Variants in MROH1 observed in about 807,000 individuals in gnomAD.
The protein encoded by MROH1 is maestro heat like repeat family member 1, also known as maestro heat-like repeat-containing protein family member 1.
A neutral mutation model predicts 116.5 loss-of-function variants in MROH1; 117 were observed. The ratio of observed to expected loss-of-function variants is 1.00; its 90% confidence interval spans 0.86 to 1.17. MROH1 has a LOEUF of 1.17. Among genes scored for constraint, MROH1 ranks in the 50% most tolerant of loss-of-function variants. The pLI, the probability that MROH1 is intolerant of heterozygous loss-of-function variation, is 0.00. For missense variants in MROH1, 1,873 were observed against 1,338.5 expected, an observed-to-expected ratio of 1.40 and a Z score of -6.23; for synonymous variants, 921 against 583.9, an observed-to-expected ratio of 1.58 and a Z score of -8.32.
chr8:144,175,163 T>C (rs563754605), intron 4 of MROH1: 2 of 984,624 alleles, frequency 2.0e-6, no homozygotes, highest in African/African-American at 3.5e-5. Context: ...CTGCTGCACC[T>C]GAGCTTCTCC....
chr8:144,192,208 C>A, intron 9 of MROH1, 101 bp from the exon 10 acceptor site: 1 of 1,005,962 alleles, frequency 9.9e-7, no homozygotes, highest in South Asian at 1.6e-5. Flanking sequence ...GTCCTCCTGG[C>A]CCATGTCTTC....
intron 12 of MROH1, among the ~76,000 whole-genome samples, chr8:144,209,059 GTGTGTGTGTGTGTGTT>G: frequency 1.1e-5 from 1 of 90,236 alleles, no homozygotes; most frequent in Admixed American, 1.1e-4. Flanking sequence ...GTGTGTGTGT[GTGTGTGTGTGTGTGTT>G]TAGTGGAGAC....
intron 10 of MROH1, 98 bp from the exon 11 acceptor site, chr8:144,199,024 G>A (rs949570922): frequency 2.0e-5 from 23 of 1,153,712 alleles, no homozygotes; most frequent in Admixed American, 8.0e-5. Context: ...GAAACCCAGA[G>A]CCTTCTGCCC....
intron 4 of MROH1, among the ~76,000 whole-genome samples, chr8:144,171,586 T>C (rs1164001354): frequency 6.6e-6 from 1 of 152,230 alleles, no homozygotes; most frequent in Non-Finnish European, 1.5e-5. Flanking sequence ...GTGTGCTTGC[T>C]GGAGCCCATT....
At chr8:144,218,874 G>A (rs1483643296) in intron 12 of MROH1, among the ~76,000 whole-genome samples, 10 of 72,612 alleles carry the variant, frequency 1.4e-4, no homozygotes, top group Admixed American at 3.4e-4. Flanking sequence ...TTGCTCTGTC[G>A]CTCAGGCTAG....
chr8:144,200,056 G>A (rs1830762047), intron 11 of MROH1, among the ~76,000 whole-genome samples: 1 of 152,176 alleles, frequency 6.6e-6, no homozygotes, highest in Non-Finnish European at 1.5e-5. Context: ...CTGTGTGCTT[G>A]ACAGCTCGAG....
intron 4 of MROH1, among the ~76,000 whole-genome samples, chr8:144,170,033 A>T (rs993151816): frequency 2.0e-5 from 3 of 152,158 alleles, no homozygotes; most frequent in African/African-American, 7.2e-5. Flanking sequence ...GGGTTTCACC[A>T]TGTTGCCCAT....
chr8:144,260,507 C>T, intron 39 of MROH1, 133 bp downstream of exon 39: 2 of 712,156 alleles, frequency 2.8e-6, no homozygotes, highest in Non-Finnish European at 5.1e-6. Flanking sequence ...CGCGGACCTG[C>T]AGGGCTGCTG....
At chr8:144,188,081 C>A (rs1200395529) in intron 7 of MROH1, among the ~76,000 whole-genome samples, 1 of 152,172 alleles carries the variant, frequency 6.6e-6, no homozygotes, top group Non-Finnish European at 1.5e-5. Context: ...CACCTGCACC[C>A]TTTGATTCTT....
intron 3 of MROH1, among the ~76,000 whole-genome samples, chr8:144,165,095 A>T (rs1483147868): frequency 6.6e-6 from 1 of 150,404 alleles, no homozygotes; most frequent in African/African-American, 2.4e-5. Context: ...AGTAGCTGAG[A>T]TTACAGGCAT....
rs963080678 is a variant in MROH1, at chr8:144,259,815, C to T, written c.4045-96C>T. On this transcript the variant is annotated intron_variant, in intron 37 of 43. Coordinates refer to ENST00000326134, the MANE Select transcript of MROH1 (RefSeq NM_032450.3). ...GGTGCTCCACCTCTGTCTGCCACACCGGCGTGGGGACAGCCTCTGGTGTTC... is the reference window on the plus strand; with the variant it reads ...GGTGCTCCACCTCTGTCTGCCACACTGGCGTGGGGACAGCCTCTGGTGTTC... 719 of 704,620 alleles carry T rather than the reference C, an allele frequency of 1.0e-3. 5 individuals carry two copies. The highest frequency in any genetic ancestry group is 8.7e-4 in the Non-Finnish European group (332 of 383,498). The allele number at this position is 704,620 out of a possible 1,614,324, so 43.6% of individuals were successfully genotyped here. A position where few individuals can be genotyped will look rare whatever the true frequency, so the allele number is the denominator to read the frequency against.
At chr8:144,169,933 A>G (rs1217789652) in intron 4 of MROH1, among the ~76,000 whole-genome samples, 1 of 152,262 alleles carries the variant, frequency 6.6e-6, no homozygotes, top group Non-Finnish European at 1.5e-5. Context: ...TCCTGAGTTC[A>G]AGCAATTCTC....
chr8:144,194,682 G>A (rs1829411029), intron 10 of MROH1, among the ~76,000 whole-genome samples: 1 of 152,168 alleles, frequency 6.6e-6, no homozygotes, highest in Admixed American at 6.5e-5. Flanking sequence ...GGAGGCTGAG[G>A]AGGAAGAACT....
chr8:144,155,604 T>C (rs961214281), intron 1 of MROH1, among the ~76,000 whole-genome samples: 9 of 151,926 alleles, frequency 5.9e-5, no homozygotes, highest in African/African-American at 2.2e-4. Flanking sequence ...ACCAACTGTA[T>C]GATGTTAATT....
Position 144,192,420 on chromosome 8 carries a change from G to C in MROH1, c.948+19G>C. The C allele has an allele frequency of 6.4e-7, 1 of 1,564,536 alleles. No homozygotes were observed. The highest frequency in any genetic ancestry group is 8.6e-7 in the Non-Finnish European group (1 of 1,159,898). ...CTCCCAGGTAGGAGGCGGGCGTCAG[G>C]GGGCGGGTCCAGGTTCTGCACACCC... is the stretch of plus-strand genomic sequence containing the variant. On this transcript the variant is annotated intron_variant, in intron 10 of 43. Coordinates refer to ENST00000326134, the MANE Select transcript of MROH1 (RefSeq NM_032450.3).
At chr8:144,237,824 C>T (rs996865738) in intron 14 of MROH1, among the ~76,000 whole-genome samples, 10 of 151,806 alleles carry the variant, frequency 6.6e-5, no homozygotes, top group Non-Finnish European at 1.2e-4. Context: ...TGCATTTTTT[C>T]GCACAGGCAT....
At chr8:144,207,946 CT>C (rs1335877700) in intron 12 of MROH1, among the ~76,000 whole-genome samples, 1,712 of 135,006 alleles carry the variant, frequency 0.013, 51 homozygotes, top group Non-Finnish European at 0.014. Context: ...TTTTTAATTA[CT>C]TTTTTTTTTT....
At chr8:144,154,461 C>T (rs1029031299) in intron 1 of MROH1, among the ~76,000 whole-genome samples, 1 of 152,072 alleles carries the variant, frequency 6.6e-6, no homozygotes, top group Non-Finnish European at 1.5e-5. Flanking sequence ...ACTGACTAAA[C>T]CTGATGAAGA....
At position 144,232,474 on chromosome 8, in the gene MROH1, GTTTATTTA is replaced by G. The variant is rs782182419; in HGVS notation, c.1339-6254_1339-6247del. Among the ~76,000 whole-genome samples, 1,209 of 142,742 alleles carry G rather than the reference GTTTATTTA, an allele frequency of 8.5e-3. 10 individuals carry two copies. The highest frequency in any genetic ancestry group is 0.013 in the Non-Finnish European group (811 of 64,228). 93.6% of individuals were successfully genotyped at this position (142,742 alleles called of 152,430 possible). A position where few individuals can be genotyped will look rare whatever the true frequency, so the allele number is the denominator to read the frequency against. On this transcript the variant is annotated intron_variant, in intron 14 of 43. Transcript: ENST00000326134. The stretch of plus-strand genomic sequence containing the variant: ...ATTAGATTGAGTGCTTTGTTTGTTT[GTTTATTTA>G]TTTATTTATTTATTTATTTATTTAT...
Sources: allele counts gnomAD v4.1 joint callset (sites outside exome capture counted in the v4.1 genomes callset), GRCh38; gene constraint gnomAD v4.1.1; transcripts MANE v1.5; gene names NCBI Gene and HGNC (gene_info 2026-07-23, HGNC 2026-07-21).